Variants in WDPCP observed in about 807,000 individuals in gnomAD.
WDPCP encodes the protein WD repeat-containing and planar cell polarity effector protein fritz homolog.
WDPCP carries 71 observed loss-of-function variants against 93.1 expected under a neutral mutation model. That is an observed-to-expected ratio of 0.76 (90% CI 0.63 to 0.93). The LOEUF is 0.93. WDPCP is among the 40% of genes least tolerant of loss of function. The pLI is 0.00. For synonymous variants in WDPCP, 315 were observed against 315.0 expected (o/e 1.00, Z 0.00); for missense variants, 844 against 887.4 (o/e 0.95, Z 0.62).
chr2:63,306,502 G>A lies in WDPCP; in HGVS notation c.1812+6746C>T, dbSNP rs554611278. On this transcript the variant is annotated intron_variant, in intron 13 of 17. Coordinates refer to ENST00000272321, the MANE Select transcript of WDPCP (RefSeq NM_015910.7). The stretch of plus-strand genomic sequence containing the variant: ...TGTAAAAATCCTCAATAAAATACTC[G>A]CAAACTGACTCTGGCAGCATATCAA... Among the ~76,000 whole-genome samples the A allele has an allele frequency of 5.9e-5, 9 of 152,188 alleles. No individual in the cohort carries two copies. The South Asian group carries it at 6.2e-4, about 11-fold the overall frequency.
chr2:63,133,575 G>C (rs1395747081), intron 17 of WDPCP, among the ~76,000 whole-genome samples: 1 of 152,166 alleles, frequency 6.6e-6, no homozygotes, highest in Non-Finnish European at 1.5e-5. Context: ...TCTTATGATA[G>C]TGAAGAGTTC....
At chr2:63,254,800 T>A (rs1306114186) in intron 14 of WDPCP, among the ~76,000 whole-genome samples, 1 of 152,090 alleles carries the variant, frequency 6.6e-6, no homozygotes, top group Non-Finnish European at 1.5e-5. Flanking sequence ...AGGCATTAGG[T>A]CAAAATAATC....
chr2:63,388,226 A>G (rs1019634008), intron 10 of WDPCP, among the ~76,000 whole-genome samples: 3 of 152,040 alleles, frequency 2.0e-5, no homozygotes, highest in Non-Finnish European at 4.4e-5. Context: ...TGCATTTCCA[A>G]CTGAGCCTCG....
intron 10 of WDPCP, among the ~76,000 whole-genome samples, chr2:63,401,357 G>A (rs528226428): frequency 1.1e-4 from 17 of 152,196 alleles, no homozygotes; most frequent in Admixed American, 7.9e-4. Context: ...ACACTTCTCA[G>A]AAGAAGACAT....
In WDPCP at chr2:63,746,957, G is replaced by A. The variant is rs572804235; in HGVS notation, n.308+66665C>T. ...TAAAAACTTGGGTTTTATGGCTCGG[G>A]GGCATCATGAAACCTGCCTACATGT... On this transcript the variant is annotated intron_variant and non_coding_transcript_variant, in intron 2 of 4. Transcript: ENST00000467687. Among the ~76,000 whole-genome samples the A allele has an allele frequency of 1.7e-4, 26 of 152,070 alleles. 1 individual carries two copies. Among genetic ancestry groups the A allele is most frequent in the African/African-American group, 5.8e-4 (24 of 41,456 alleles).
At chr2:63,295,735 C>A (rs1684795714) in intron 13 of WDPCP, among the ~76,000 whole-genome samples, 1 of 151,256 alleles carries the variant, frequency 6.6e-6, no homozygotes, top group African/African-American at 2.4e-5. Flanking sequence ...CTGAACAGAC[C>A]AATAAAGAGT....
intron 2 of WDPCP, among the ~76,000 whole-genome samples, chr2:63,710,175 G>A (rs1575754428): frequency 6.6e-6 from 1 of 152,182 alleles, no homozygotes; most frequent in East Asian, 1.9e-4. Context: ...CTGGCTTAGT[G>A]ATGGGCTTGG....
chr2:63,739,239 TATC>T (rs1669681555), intron 2 of WDPCP, among the ~76,000 whole-genome samples: 1 of 152,060 alleles, frequency 6.6e-6, no homozygotes, highest in Non-Finnish European at 1.5e-5. Context: ...GATAAGTTCT[TATC>T]ATTTACCTCC....
At chr2:63,386,669 T>C (rs940321510) in intron 10 of WDPCP, among the ~76,000 whole-genome samples, 1 of 152,148 alleles carries the variant, frequency 6.6e-6, no homozygotes, top group African/African-American at 2.4e-5. Context: ...CCAGCCATTT[T>C]AAACTTGTAG....
intron 1 of WDPCP, among the ~76,000 whole-genome samples, chr2:63,822,091 T>G (rs1671034437): frequency 6.6e-6 from 1 of 152,178 alleles, no homozygotes; most frequent in African/African-American, 2.4e-5. Context: ...TGGGGAATAA[T>G]ATTAATAGTT....
At chr2:63,470,255 T>C (rs1699615260) in intron 6 of WDPCP, among the ~76,000 whole-genome samples, 2 of 152,228 alleles carry the variant, frequency 1.3e-5, no homozygotes, top group South Asian at 4.1e-4. Flanking sequence ...CTCAAATTTA[T>C]ACATCTGGCC....
chr2:63,369,592 T>C (rs1224887967), intron 12 of WDPCP: 1 of 447,022 alleles, frequency 2.2e-6, no homozygotes, highest in Non-Finnish European at 4.5e-6. Flanking sequence ...ATGAAAAAAA[T>C]AACTAATGTC....
At chr2:63,466,406 T>A (rs574642855) in intron 6 of WDPCP, among the ~76,000 whole-genome samples, 1 of 152,262 alleles carries the variant, frequency 6.6e-6, no homozygotes, top group South Asian at 2.1e-4. Flanking sequence ...TATATATATA[T>A]AAAACGTAAT....
chr2:63,683,611 G>A (rs1668760679), intron 2 of WDPCP, among the ~76,000 whole-genome samples: 2 of 152,248 alleles, frequency 1.3e-5, no homozygotes, highest in Admixed American at 1.3e-4. Context: ...CCAGCACTTC[G>A]GGAGGCCAAG....
chr2:63,598,896 C>CAAAAAAAAAAAAAAAAA (rs1333463606), intron 3 of WDPCP, among the ~76,000 whole-genome samples: 1 of 72,230 alleles, frequency 1.4e-5, no homozygotes. Flanking sequence ...AAAGAGGTAC[C>CAAAAAAAAAAAAAAAAA]AAAAAAAAAA....
intron 2 of WDPCP, among the ~76,000 whole-genome samples, chr2:63,759,733 T>C (rs1019653154): frequency 9.2e-5 from 14 of 152,210 alleles, no homozygotes; most frequent in African/African-American, 3.4e-4. Flanking sequence ...ACAGTCAGGG[T>C]GAGAAATTTA....
intron 17 of WDPCP, among the ~76,000 whole-genome samples, chr2:63,129,336 T>C (rs978430655): frequency 3.9e-5 from 6 of 152,214 alleles, no homozygotes; most frequent in Non-Finnish European, 8.8e-5. Context: ...TATGTTTAAT[T>C]TTTTGAGGAA....
chr2:63,473,667 T>G (rs1450961216), intron 6 of WDPCP, among the ~76,000 whole-genome samples: 1 of 152,220 alleles, frequency 6.6e-6, no homozygotes, highest in Non-Finnish European at 1.5e-5. Flanking sequence ...CGATATCTCC[T>G]ATTTTCACAG....
chr2:63,142,394 C>G (rs186091131), intron 17 of WDPCP, among the ~76,000 whole-genome samples: 1 of 152,260 alleles, frequency 6.6e-6, no homozygotes, highest in East Asian at 1.9e-4. Flanking sequence ...ATTTTTGACT[C>G]AATGCTCATT....
Sources: gnomAD v4.1 joint callset for allele counts (sites outside exome capture counted in the v4.1 genomes callset) on GRCh38, gnomAD v4.1.1 for gene constraint, MANE v1.5 for transcripts, NCBI Gene and HGNC (gene_info 2026-07-23, HGNC 2026-07-21) for gene names.